The following PDE4B variants were observed in gnomAD, a reference collection of about 807,000 sequenced individuals.
PDE4B encodes phosphodiesterase 4B.
PDE4B carries 20 observed loss-of-function variants against 82.2 expected under a neutral mutation model. The ratio of observed to expected loss-of-function variants is 0.24; its 90% CI spans 0.17 to 0.35. The LOEUF (loss-of-function observed/expected upper bound fraction) is 0.35. Ranked by LOEUF, PDE4B falls within the 10% of genes least tolerant of loss-of-function variation. PDE4B has a pLI of 1.00. For synonymous variants in PDE4B, 320 were observed against 318.9 expected (o/e 1.00, Z -0.04); for missense variants, 655 against 907.2 (o/e 0.72, Z 3.57).
At chr1:66,107,112 T>C (rs1294916564) in intron 3 of PDE4B, among the ~76,000 whole-genome samples, 1 of 150,380 alleles carries the variant, frequency 6.6e-6, no homozygotes, top group African/African-American at 2.4e-5. Flanking sequence ...GCTTTGAATG[T>C]GTCCCAGAGA....
intron 3 of PDE4B, among the ~76,000 whole-genome samples, chr1:65,990,337 A>G (rs1651176197): frequency 6.6e-6 from 1 of 152,210 alleles, no homozygotes; most frequent in South Asian, 2.1e-4. Context: ...TAATATTTTT[A>G]GAAAGAAATT....
chr1:65,814,500 G>T (rs1320088733), intron 1 of PDE4B, among the ~76,000 whole-genome samples: 4 of 152,012 alleles, frequency 2.6e-5, no homozygotes, highest in Admixed American at 1.3e-4. Flanking sequence ...CATTTAAAAG[G>T]CTACAATTTA....
chr1:66,068,548 T>C (rs1655988817), intron 3 of PDE4B, among the ~76,000 whole-genome samples: 1 of 151,992 alleles, frequency 6.6e-6, no homozygotes, highest in South Asian at 2.1e-4. Context: ...TGATTTTCTA[T>C]CTTATAATCA....
intron 3 of PDE4B, among the ~76,000 whole-genome samples, chr1:66,217,333 A>C (rs542579372): frequency 1.3e-5 from 2 of 152,266 alleles, no homozygotes; most frequent in South Asian, 4.1e-4. Context: ...TGAGATGCGC[A>C]ATGACTAGCA....
intron 3 of PDE4B, among the ~76,000 whole-genome samples, chr1:66,041,174 T>A (rs1654347177): frequency 6.6e-6 from 1 of 151,960 alleles, no homozygotes; most frequent in African/African-American, 2.4e-5. Flanking sequence ...CAAAGTAGCT[T>A]AGAAAGTATA....
At chr1:65,893,483 A>G (rs1439703951) in intron 1 of PDE4B, among the ~76,000 whole-genome samples, 2 of 152,120 alleles carry the variant, frequency 1.3e-5, no homozygotes, top group African/African-American at 4.8e-5. Context: ...AATCGCCATA[A>G]TTAAAAAAGA....
rs1447345315 is a variant in PDE4B at position 66,277,993 on chromosome 1, C to A, written c.634+11906C>A. On this transcript the variant is annotated intron_variant, in intron 7 of 16. Transcript: ENST00000341517. ...CTTCTGCATAGAATTGTTTTAAGAGCAAAATTAAAACACTTAGAACAGTGG... is the reference window on the plus strand; with the variant it reads ...CTTCTGCATAGAATTGTTTTAAGAGAAAAATTAAAACACTTAGAACAGTGG... Among the ~76,000 whole-genome samples the A allele has an allele frequency of 5.3e-5, 8 of 152,264 alleles. 1 individual carries two copies. The Middle Eastern group carries it at 0.01, about 194-fold the overall frequency.
At chr1:65,808,953 T>C (rs1036794164) in intron 1 of PDE4B, among the ~76,000 whole-genome samples, 15 of 152,178 alleles carry the variant, frequency 9.9e-5, no homozygotes, top group African/African-American at 3.1e-4. Flanking sequence ...TTTTACAATA[T>C]GTTTAGGTTT....
intron 3 of PDE4B, among the ~76,000 whole-genome samples, chr1:65,919,603 A>G (rs1647201827): frequency 6.6e-6 from 1 of 152,238 alleles, no homozygotes; most frequent in African/African-American, 2.4e-5. Flanking sequence ...TTTCTCTGAT[A>G]TGATTTTAAA....
At chr1:66,253,445 TAA>T (rs1043697269) in intron 4 of PDE4B, among the ~76,000 whole-genome samples, 5 of 152,240 alleles carry the variant, frequency 3.3e-5, no homozygotes, top group African/African-American at 1.2e-4. Flanking sequence ...GACTCAGTAC[TAA>T]GACTGGAGTG....
intron 3 of PDE4B, among the ~76,000 whole-genome samples, chr1:66,188,442 G>T (rs1647392095): frequency 6.6e-6 from 1 of 152,074 alleles, no homozygotes; most frequent in South Asian, 2.1e-4. Context: ...GGGTGTTAAA[G>T]TCTCCCATTA....
rs951745829 is a variant in PDE4B, at chr1:66,012,876, G to A, written c.281+94041G>A. ...TGTACTTAAGTAACACTATATGTCA[G>A]GCAATGCTCTAACTAAACTTCACAA... On this transcript the variant is annotated intron_variant, in intron 3 of 16. Transcript: ENST00000341517. Among the ~76,000 whole-genome samples, 3 of 152,072 alleles carry A rather than the reference G, an allele frequency of 2.0e-5. No individual in the cohort carries two copies. The East Asian group carries it at 5.8e-4, about 29-fold the overall frequency.
intron 3 of PDE4B, among the ~76,000 whole-genome samples, chr1:66,106,448 C>G (rs1645358780): frequency 1.3e-5 from 2 of 152,018 alleles, no homozygotes; most frequent in African/African-American, 4.8e-5. Context: ...TGATGCTGGC[C>G]TCATAAAATG....
chr1:65,955,643 A>G (rs1446615524), intron 3 of PDE4B, among the ~76,000 whole-genome samples: 1 of 152,114 alleles, frequency 6.6e-6, no homozygotes, highest in Non-Finnish European at 1.5e-5. Flanking sequence ...CCTCAAGAGC[A>G]GGGTGTTATC....
At chr1:65,845,741 G>A (rs371787640) in intron 1 of PDE4B, among the ~76,000 whole-genome samples, 17 of 152,178 alleles carry the variant, frequency 1.1e-4, no homozygotes, top group Admixed American at 7.9e-4. Context: ...CATGGTCCTC[G>A]GGGTGTCAGC....
intron 8 of PDE4B, among the ~76,000 whole-genome samples, chr1:66,342,180 C>A (rs2101956261): frequency 6.6e-6 from 1 of 152,248 alleles, no homozygotes; most frequent in Middle Eastern, 3.4e-3. Flanking sequence ...AGGAATTGAG[C>A]ATCTTGGGAT....
chr1:65,906,769 T>C (rs181112523), intron 1 of PDE4B, among the ~76,000 whole-genome samples: 2 of 152,304 alleles, frequency 1.3e-5, no homozygotes, highest in Admixed American at 6.5e-5. Context: ...TATTAGTAAT[T>C]TACAAAGAAT....
At chr1:66,285,531 T>G (rs1279341997) in intron 7 of PDE4B, among the ~76,000 whole-genome samples, 1 of 152,036 alleles carries the variant, frequency 6.6e-6, no homozygotes, top group Admixed American at 6.6e-5. Flanking sequence ...CAACAGCCAT[T>G]ATTTCACTCT....
intron 3 of PDE4B, among the ~76,000 whole-genome samples, chr1:66,008,060 A>G (rs1200998658): frequency 1.3e-5 from 2 of 152,132 alleles, no homozygotes; most frequent in African/African-American, 4.8e-5. Context: ...CTGGATTCAC[A>G]TGTTCCCTTA....
Sources: gnomAD v4.1 joint callset for allele counts (sites outside exome capture counted in the v4.1 genomes callset) on GRCh38, gnomAD v4.1.1 for gene constraint, MANE v1.5 for transcripts, NCBI Gene and HGNC (gene_info 2026-07-23, HGNC 2026-07-21) for gene names.